The following GALNT16 variants were observed in gnomAD, a reference collection of about 807,000 sequenced individuals.
GALNT16 encodes the protein polypeptide N-acetylgalactosaminyltransferase 16.
A neutral mutation model predicts 76.1 loss-of-function variants in GALNT16; 40 were observed. The ratio of observed to expected loss-of-function variants is 0.53; its 90% CI spans 0.41 to 0.68. The LOEUF is 0.68. GALNT16 is among the 30% of genes least tolerant of loss of function. The pLI is 0.00. For synonymous variants in GALNT16, 276 were observed against 285.2 expected (o/e 0.97, Z 0.32); for missense variants, 621 against 731.9 (o/e 0.85, Z 1.75).
At chr14:69,303,220 T>A (rs1594835864) in intron 1 of GALNT16, among the ~76,000 whole-genome samples, 2 of 152,180 alleles carry the variant, frequency 1.3e-5, no homozygotes, top group Admixed American at 6.5e-5. Context: ...TGGTTTACAT[T>A]TGCTCGTCAT....
intron 1 of GALNT16, among the ~76,000 whole-genome samples, chr14:69,292,582 T>C (rs1005507689): frequency 6.6e-6 from 1 of 152,230 alleles, no homozygotes; most frequent in African/African-American, 2.4e-5. Context: ...GAAAGTCCTT[T>C]AAGGCTAGCT....
Position 69,333,090 on chromosome 14 carries a change from G to C in GALNT16, c.784G>C (p.Asp262His). The C allele has an allele frequency of 6.2e-7, 1 of 1,612,942 alleles. No individual in the cohort carries two copies. The highest frequency in any genetic ancestry group is 8.5e-7 in the Non-Finnish European group (1 of 1,178,924). The change falls in exon 8 of 15, where the codon GAC (aspartate) becomes CAC (histidine). Residue 262 changes from aspartate to histidine, a missense_variant. Transcript: ENST00000448469. This position sits in a 1 kb window ranked among gnomAD's most constrained non-coding sequence, Gnocchi z 4.2. ...AASADLRGGF[D>H]WSLHFKWEQI... is the part of the protein sequence containing the mutation. Reference sequence around the variant, plus strand: ...CACCTTGCTGTGTCCCTTAGGGTTCGACTGGAGCCTGCATTTCAAGTGGGA... The same window carrying C: ...CACCTTGCTGTGTCCCTTAGGGTTCCACTGGAGCCTGCATTTCAAGTGGGA...
the GALNT16 span, among the ~76,000 whole-genome samples, chr14:69,376,235 C>T: frequency 2.0e-4 from 31 of 152,240 alleles, 1 homozygote; most frequent in Middle Eastern, 3.4e-3. Context: ...TATGGTAAAT[C>T]CATAGTAGCC....
At chr14:69,283,059 C>T (rs1304290460) in intron 1 of GALNT16, among the ~76,000 whole-genome samples, 1 of 152,228 alleles carries the variant, frequency 6.6e-6, no homozygotes, top group Non-Finnish European at 1.5e-5. Context: ...GTGGTGTTCA[C>T]TTCTGTACCA....
the GALNT16 span, among the ~76,000 whole-genome samples, chr14:69,383,384 A>G: frequency 2.0e-5 from 3 of 152,262 alleles, no homozygotes; most frequent in South Asian, 6.2e-4. Context: ...AGAAACTATG[A>G]GCACACAACC....
At position 69,333,744 on chromosome 14, in the gene GALNT16, G is replaced by A. The variant is rs2045385520; in HGVS notation, c.967+144G>A. 4 of 583,464 alleles carry A rather than the reference G, an allele frequency of 6.9e-6. No individual in the cohort carries two copies. Among genetic ancestry groups the A allele is most frequent in the Non-Finnish European group, 1.2e-5 (4 of 332,290 alleles). The allele number at this position is 583,464 out of a possible 1,614,324, so 36.1% of individuals were successfully genotyped here. A position where few individuals can be genotyped will look rare whatever the true frequency, so the allele number is the denominator to read the frequency against. ...TTTAATTCTCTCAAGGACCCTCTGA[G>A]GTAAGTACCATGATCTCCATTTTAC... On this transcript the variant is annotated intron_variant, in intron 9 of 14. Coordinates refer to ENST00000448469, the MANE Select transcript of GALNT16 (RefSeq NM_001168368.2). This position sits in a 1 kb window ranked among gnomAD's most constrained non-coding sequence, Gnocchi z 4.2.
At chr14:69,348,061 T>C (rs1342265464) in intron 14 of GALNT16, 59 bp downstream of exon 14, 1 of 1,561,240 alleles carries the variant, frequency 6.4e-7, no homozygotes, top group Admixed American at 1.7e-5. Flanking sequence ...TGCCTCAGGG[T>C]GGCAGACCTT....
At chr14:69,314,974 A>G (rs1034763378) in intron 1 of GALNT16, among the ~76,000 whole-genome samples, 2 of 152,240 alleles carry the variant, frequency 1.3e-5, no homozygotes, top group Non-Finnish European at 2.9e-5. Context: ...AAAATGAGTC[A>G]GAGCTGTTTA....
At chr14:69,374,136 T>C in the GALNT16 span, among the ~76,000 whole-genome samples, 1 of 152,162 alleles carries the variant, frequency 6.6e-6, no homozygotes, top group Admixed American at 6.6e-5. Context: ...TTCTTTCAAC[T>C]TCTCCATCTT....
chr14:69,331,848 G>A (rs2045356535), intron 7 of GALNT16, among the ~76,000 whole-genome samples: 1 of 152,206 alleles, frequency 6.6e-6, no homozygotes, highest in Non-Finnish European at 1.5e-5. Flanking sequence ...TGCCAGCCTA[G>A]GGATCATGGC....
chr14:69,380,373 G>C, the GALNT16 span: 1 of 438,642 alleles, frequency 2.3e-6, no homozygotes, highest in South Asian at 7.3e-5. Context: ...GGTAACGGGG[G>C]TTTCCGATTG....
At position 69,339,558 on chromosome 14, in the gene GALNT16, G is replaced by A; in HGVS notation, c.1126G>A (p.Asp376Asn). The change falls in exon 11 of 15, where the codon GAT (aspartate) becomes AAT (asparagine). Residue 376 changes from aspartate (D) to asparagine (N), a missense_variant. Physicochemically the swap from Asp to Asn is conservative, Grantham distance 23. Coordinates refer to ENST00000448469, the MANE Select transcript of GALNT16 (RefSeq NM_001168368.2). ...TAAGCGCACTGCAGAAGTGTGGATG[G>A]ATGAATACAAGCAATACTACTATGA... ...NTKRTAEVWM[D>N]EYKQYYYEAR... 2 of 1,613,334 alleles carry A rather than the reference G, an allele frequency of 1.2e-6. No homozygotes were observed. The highest frequency in any genetic ancestry group is 1.1e-5 in the South Asian group (1 of 91,052).
intron 11 of GALNT16, among the ~76,000 whole-genome samples, chr14:69,340,701 G>C (rs1317541234): frequency 6.6e-6 from 1 of 152,132 alleles, no homozygotes; most frequent in Admixed American, 6.5e-5. Context: ...AGCCAGGCTG[G>C]TCTCGAACTC....
chr14:69,372,327 T>G, the GALNT16 span, among the ~76,000 whole-genome samples: 2 of 152,082 alleles, frequency 1.3e-5, no homozygotes, highest in Admixed American at 1.3e-4. Context: ...AAACACTGAC[T>G]CACTGATACG....
chr14:69,375,998 T>C, the GALNT16 span, among the ~76,000 whole-genome samples: 1 of 152,128 alleles, frequency 6.6e-6, no homozygotes, highest in Non-Finnish European at 1.5e-5. Context: ...ATTTCAACCA[T>C]GTATTCCATT....
At chr14:69,322,925 G>GGGGTGTGTGTGTGTGTGTGTGT (rs797021875) in intron 2 of GALNT16, among the ~76,000 whole-genome samples, 3 of 103,778 alleles carry the variant, frequency 2.9e-5, no homozygotes, top group African/African-American at 1.2e-4. Flanking sequence ...TGGCTCACGG[G>GGGGTGTGTGTGTGTGTGTGTGT]GTGTGTGTGT....
chr14:69,270,844 G>T (rs1233593118), intron 1 of GALNT16, among the ~76,000 whole-genome samples: 1 of 152,234 alleles, frequency 6.6e-6, no homozygotes, highest in South Asian at 2.1e-4. Context: ...CAGGGAGAAA[G>T]AACACGTGAT....
chr14:69,285,187 C>A (rs2044595343), intron 1 of GALNT16, among the ~76,000 whole-genome samples: 2 of 151,984 alleles, frequency 1.3e-5, no homozygotes, highest in Admixed American at 6.6e-5. Context: ...ACTACAGGCG[C>A]CCGCTACCAC....
downstream of GALNT16, among the ~76,000 whole-genome samples, chr14:69,360,504 T>C (rs1443274651): frequency 6.6e-6 from 1 of 151,766 alleles, no homozygotes; most frequent in Non-Finnish European, 1.5e-5. Flanking sequence ...GCCCAGTGCC[T>C]GTAGTCCCAG....
Sources: allele counts gnomAD v4.1 joint callset (sites outside exome capture counted in the v4.1 genomes callset), GRCh38; gene constraint gnomAD v4.1.1; non-coding constraint Gnocchi (gnomAD v3.1); transcripts MANE v1.5; gene names NCBI Gene and HGNC (gene_info 2026-07-23, HGNC 2026-07-21).